ADGRG7: variants seen among roughly 807,000 people sequenced by gnomAD.
ADGRG7 encodes the protein adhesion G protein-coupled receptor G7, also known as G-protein coupled receptor 128.
A neutral mutation model predicts 88.6 loss-of-function variants in ADGRG7; 82 were observed. That is an observed-to-expected ratio of 0.93 (90% confidence interval 0.77 to 1.11). ADGRG7 has a LOEUF of 1.11. Among genes scored for constraint, ADGRG7 ranks in the 50% most tolerant of loss-of-function variants. The pLI is 0.00. For missense variants in ADGRG7, 945 were observed against 953.4 expected, an observed-to-expected ratio of 0.99 and a Z score of 0.12; for synonymous variants, 381 against 345.2, an observed-to-expected ratio of 1.10 and a Z score of -1.15.
At chr3:100,687,384 A>T (rs2094984548) in intron 15 of ADGRG7, among the ~76,000 whole-genome samples, 1 of 152,102 alleles carries the variant, frequency 6.6e-6, no homozygotes, top group Admixed American at 6.5e-5. Context: ...CTCCTGCCTG[A>T]TTGCCCTGGC....
At chr3:100,629,896 C>T (rs1046919839) in intron 2 of ADGRG7, among the ~76,000 whole-genome samples, 185 bp downstream of exon 2, 3 of 152,092 alleles carry the variant, frequency 2.0e-5, no homozygotes, top group Non-Finnish European at 2.9e-5. Flanking sequence ...GCCAATTTAT[C>T]AGTATATTCA....
chr3:100,635,856 T>G (rs1478865680), intron 5 of ADGRG7, 30 bp downstream of exon 5: 4 of 1,546,698 alleles, frequency 2.6e-6, no homozygotes, highest in Non-Finnish European at 3.5e-6. Context: ...AAAAAAAATT[T>G]TTTTTTTATT....
rs1707194102 is a variant in ADGRG7, at chr3:100,614,065, G to A, written c.115+4094G>A. On this transcript the variant is annotated intron_variant, in intron 1 of 15. Coordinates refer to ENST00000273352, the MANE Select transcript of ADGRG7 (RefSeq NM_032787.3). ...ATTAAAAATTTAAGATGATGTCTAG[G>A]ACGTTGTAAGTACTTAATAATTGTT... Among the ~76,000 whole-genome samples the A allele has an allele frequency of 2.0e-5, 3 of 152,128 alleles. No homozygotes were observed. The South Asian group carries it at 6.2e-4, about 32-fold the overall frequency.
At chr3:100,681,863 T>C (rs755895865) in intron 15 of ADGRG7, among the ~76,000 whole-genome samples, 4 of 151,760 alleles carry the variant, frequency 2.6e-5, no homozygotes, top group Non-Finnish European at 4.4e-5. Flanking sequence ...ACCACTGAAC[T>C]ACCTGCACAG....
intron 13 of ADGRG7, among the ~76,000 whole-genome samples, 163 bp downstream of exon 13, chr3:100,656,158 G>T (rs2094937270): frequency 1.3e-5 from 2 of 152,144 alleles, no homozygotes; most frequent in Non-Finnish European, 2.9e-5. Flanking sequence ...TTTTAAATGT[G>T]ATGACATGGA....
At chr3:100,618,266 G>C (rs563775228) in intron 1 of ADGRG7, among the ~76,000 whole-genome samples, 1 of 152,216 alleles carries the variant, frequency 6.6e-6, no homozygotes, top group East Asian at 1.9e-4. Flanking sequence ...ATTGCTTTTG[G>C]TGTTTTCGAC....
intron 1 of ADGRG7, among the ~76,000 whole-genome samples, chr3:100,620,127 A>G (rs1430502177): frequency 6.6e-6 from 1 of 152,204 alleles, no homozygotes; most frequent in Admixed American, 6.5e-5. Context: ...TTAGACCAAT[A>G]TCCCTGATGA....
chr3:100,659,439 CA>C (rs373835556), intron 13 of ADGRG7, among the ~76,000 whole-genome samples: 3,486 of 80,826 alleles, frequency 0.043, 134 homozygotes, highest in African/African-American at 0.2. Context: ...GACTCAGTCT[CA>C]AAAAAAAAAA....
chr3:100,633,387 A>C lies in ADGRG7; in HGVS notation c.447+10A>C, dbSNP rs373484932. ...AACCCTGGAAAAGCAGGTATGCCAT[A>C]TGACTCACTGATGGGCAACTGGAAG... On this transcript the variant is annotated intron_variant, in intron 4 of 15. Coordinates refer to ENST00000273352, the MANE Select transcript of ADGRG7 (RefSeq NM_032787.3). 3.4e-6 allele frequency: 5 copies of C among 1,482,018 alleles called. No homozygotes were observed. The highest frequency in any genetic ancestry group is 1.4e-5 in the African/African-American group (1 of 70,316). 91.8% of individuals were successfully genotyped at this position (1,482,018 alleles called of 1,614,324 possible).
At chr3:100,661,953 T>C (rs1257442317) in intron 14 of ADGRG7, among the ~76,000 whole-genome samples, 2 of 152,154 alleles carry the variant, frequency 1.3e-5, no homozygotes, top group African/African-American at 2.4e-5. Flanking sequence ...TATTATCAGT[T>C]TATTGAACAA....
intron 15 of ADGRG7, among the ~76,000 whole-genome samples, chr3:100,684,036 C>T (rs1464129674): frequency 2.0e-5 from 3 of 152,122 alleles, no homozygotes; most frequent in Non-Finnish European, 4.4e-5. Context: ...TACCTCTCAG[C>T]AATATAACAA....
At chr3:100,654,717 A>G in intron 11 of ADGRG7, 118 bp from the exon 12 acceptor site, 5 of 628,852 alleles carry the variant, frequency 8.0e-6, no homozygotes, top group South Asian at 6.7e-5. Flanking sequence ...CAACTGGGCT[A>G]TGAACTGAAC....
chr3:100,687,378 T>C (rs1275704072), intron 15 of ADGRG7, among the ~76,000 whole-genome samples: 2 of 152,184 alleles, frequency 1.3e-5, no homozygotes, highest in African/African-American at 4.8e-5. Context: ...TTCCTTCTCC[T>C]GCCTGATTGC....
intron 6 of ADGRG7, among the ~76,000 whole-genome samples, chr3:100,641,032 T>G (rs1707634440): frequency 6.6e-6 from 1 of 152,126 alleles, no homozygotes; most frequent in African/African-American, 2.4e-5. Context: ...CTTGAACAAA[T>G]AGAGATTTAT....
In ADGRG7 at chr3:100,637,308, A is replaced by G; in HGVS notation, c.604A>G (p.Lys202Glu). Reference protein sequence around the residue: ...TSRNASPEAKKVAIVTVSQLL... With the variant: ...TSRNASPEAKEVAIVTVSQLL... ...AGTATCTTCTCTTTGGCAGGCAAAG[A>G]AAGTTGCCATAGTAACAGTGAGTCA... The change falls in exon 6 of 16, where the codon AAA (lysine) becomes GAA (glutamate). Residue 202 changes from lysine (K) to glutamate (E), a missense_variant. Physicochemically the swap from Lys to Glu is moderately conservative, Grantham distance 56. Transcript: ENST00000273352. 6.2e-7 allele frequency: 1 copy of G among 1,610,698 alleles called. No individual in the cohort carries two copies. Among genetic ancestry groups the G allele is most frequent in the Non-Finnish European group, 8.5e-7 (1 of 1,177,018 alleles).
chr3:100,646,654 A>C lies in ADGRG7; in HGVS notation c.1196A>C (p.Gln399Pro). 1 of 1,614,188 alleles carries C rather than the reference A, an allele frequency of 6.2e-7. No homozygotes were observed. The highest frequency in any genetic ancestry group is 8.5e-7 in the Non-Finnish European group (1 of 1,179,994). Residue 399 changes from glutamine (Q) to proline (P), a missense_variant, in exon 10 of 16, where the codon CAA (glutamine) becomes CCA (proline). Coordinates refer to ENST00000273352, the MANE Select transcript of ADGRG7 (RefSeq NM_032787.3). ...AAGGACTGGGACACATATGGCTGTC[A>C]AAAAGACAAGGGCACTGATGGATTC... is the stretch of plus-strand genomic sequence containing the variant. ...SAKDWDTYGCQKDKGTDGFLR... is the reference protein window; with the variant it reads ...SAKDWDTYGCPKDKGTDGFLR...
At chr3:100,678,226 A>C (rs1331254688) in intron 15 of ADGRG7, among the ~76,000 whole-genome samples, 4 of 151,896 alleles carry the variant, frequency 2.6e-5, no homozygotes, top group Admixed American at 6.6e-5. Context: ...ATTCATTCTT[A>C]AGTATATGTC....
intron 1 of ADGRG7, among the ~76,000 whole-genome samples, chr3:100,623,011 T>C (rs1185918902): frequency 2.7e-4 from 41 of 151,784 alleles, no homozygotes; most frequent in Non-Finnish European, 1.5e-5. Flanking sequence ...TAATCCATCA[T>C]CTCGGTCTCC....
intron 5 of ADGRG7, among the ~76,000 whole-genome samples, chr3:100,636,515 G>A (rs940344240): frequency 1.3e-5 from 2 of 152,060 alleles, no homozygotes; most frequent in East Asian, 3.9e-4. Context: ...TTACTAATTG[G>A]TATAGCTGGA....
Sources: gnomAD v4.1 joint callset for allele counts (sites outside exome capture counted in the v4.1 genomes callset) on GRCh38, gnomAD v4.1.1 for gene constraint, MANE v1.5 for transcripts, NCBI Gene and HGNC (gene_info 2026-07-23, HGNC 2026-07-21) for gene names.